Variants in CNTNAP2 observed in about 807,000 individuals in gnomAD.
The protein encoded by CNTNAP2 is contactin-associated protein-like 2.
A neutral mutation model predicts 155.2 loss-of-function variants in CNTNAP2; 98 were observed. The observed-to-expected ratio is 0.63, with a 90% CI of 0.54 to 0.75. The LOEUF (loss-of-function observed/expected upper bound fraction) is 0.75. CNTNAP2 is among the 30% of genes least tolerant of loss of function. The probability of loss-of-function intolerance (pLI) is 0.00; values close to 1 mark genes in which losing one functional copy is unlikely to be tolerated. For missense variants in CNTNAP2, 1,727 were observed against 1,688.1 expected, an observed-to-expected ratio of 1.02 and a Z score of -0.40; for synonymous variants, 651 against 631.2, an observed-to-expected ratio of 1.03 and a Z score of -0.47.
intron 1 of CNTNAP2, among the ~76,000 whole-genome samples, chr7:146,652,245 C>T (rs1305665902): frequency 6.6e-6 from 1 of 152,028 alleles, no homozygotes; most frequent in Non-Finnish European, 1.5e-5. Context: ...TGCCTTCCTA[C>T]TGTAATATAA....
chr7:148,284,585 C>T (rs1393268810), intron 21 of CNTNAP2, among the ~76,000 whole-genome samples: 1 of 150,700 alleles, frequency 6.6e-6, no homozygotes, highest in Admixed American at 6.7e-5. Flanking sequence ...ACTAAGGCTA[C>T]CCAGGTAGAG....
At chr7:147,824,103 C>T (rs1043704215) in intron 13 of CNTNAP2, among the ~76,000 whole-genome samples, 10 of 152,090 alleles carry the variant, frequency 6.6e-5, no homozygotes, top group African/African-American at 2.2e-4. Context: ...TTTAGTGTCT[C>T]GAGATTCTAT....
intron 9 of CNTNAP2, among the ~76,000 whole-genome samples, chr7:147,307,116 T>C (rs889926526): frequency 1.3e-5 from 2 of 152,152 alleles, no homozygotes; most frequent in Non-Finnish European, 2.9e-5. Context: ...ATAGAAATAT[T>C]ACAAAGTGTT....
intron 21 of CNTNAP2, among the ~76,000 whole-genome samples, chr7:148,302,495 A>G (rs1029113093): frequency 3.3e-5 from 5 of 151,948 alleles, no homozygotes; most frequent in African/African-American, 1.2e-4. Flanking sequence ...AATATCCCCT[A>G]TGCCATGTGA....
chr7:147,738,713 G>T (rs1171771836), intron 13 of CNTNAP2, among the ~76,000 whole-genome samples: 3 of 147,576 alleles, frequency 2.0e-5, no homozygotes, highest in African/African-American at 7.5e-5. Flanking sequence ...GGAGTGCAGT[G>T]GTGCAATCTT....
At chr7:147,200,155 G>T (rs73156433) in intron 8 of CNTNAP2, among the ~76,000 whole-genome samples, 2,426 of 149,042 alleles carry the variant, frequency 0.016, 26 homozygotes, top group South Asian at 0.042. Context: ...CTTCTCCCCT[G>T]TTGCTCCAGA....
intron 15 of CNTNAP2, among the ~76,000 whole-genome samples, chr7:148,062,018 AGAGAGAGAGAGTGTGTGTGTGTGT>A (rs1478764377): frequency 7.3e-5 from 10 of 137,120 alleles, no homozygotes; most frequent in African/African-American, 2.8e-4. Context: ...TGATAGAGAG[AGAGAGAGAGAGTGTGTGTGTGTGT>A]GTGTGTGTGT....
At chr7:147,920,355 C>CAAAAAAA (rs35672069) in intron 14 of CNTNAP2, among the ~76,000 whole-genome samples, 3 of 86,868 alleles carry the variant, frequency 3.5e-5, no homozygotes, top group Non-Finnish European at 4.4e-5. Flanking sequence ...GACTCCGTCT[C>CAAAAAAA]AAAAAAAAAA....
At chr7:146,234,252 CATAA>C (rs1303962436) in intron 1 of CNTNAP2, among the ~76,000 whole-genome samples, 2 of 152,194 alleles carry the variant, frequency 1.3e-5, no homozygotes, top group Non-Finnish European at 2.9e-5. Context: ...TTTTTGGCTG[CATAA>C]ATATCTTCTT....
chr7:148,134,062 C>T (rs534643376), intron 16 of CNTNAP2, among the ~76,000 whole-genome samples: 2 of 152,288 alleles, frequency 1.3e-5, no homozygotes, highest in Non-Finnish European at 2.9e-5. Context: ...AGAAATGACC[C>T]ACCGCCTATC....
At chr7:147,335,327 T>G (rs1795646505) in intron 9 of CNTNAP2, among the ~76,000 whole-genome samples, 1 of 152,192 alleles carries the variant, frequency 6.6e-6, no homozygotes, top group Non-Finnish European at 1.5e-5. Flanking sequence ...TTTTTCTCAT[T>G]TTTGCTGCAA....
intron 1 of CNTNAP2, among the ~76,000 whole-genome samples, chr7:146,617,029 G>A (rs1378010580): frequency 6.6e-6 from 1 of 152,022 alleles, no homozygotes; most frequent in Non-Finnish European, 1.5e-5. Context: ...TTGTTTGTTT[G>A]TTTGTTTTGA....
chr7:147,210,687 T>G (rs1324129454), intron 8 of CNTNAP2, among the ~76,000 whole-genome samples: 1 of 151,988 alleles, frequency 6.6e-6, no homozygotes, highest in African/African-American at 2.4e-5. Context: ...TGTTAGATCA[T>G]TAATTTGAGA....
intron 1 of CNTNAP2, among the ~76,000 whole-genome samples, chr7:146,186,865 A>G (rs956362906): frequency 6.6e-6 from 1 of 152,048 alleles, no homozygotes; most frequent in African/African-American, 2.4e-5. Flanking sequence ...ATTTTATGCT[A>G]TTTACATTTT....
intron 10 of CNTNAP2, among the ~76,000 whole-genome samples, chr7:147,472,270 T>C (rs1798238525): frequency 1.4e-5 from 2 of 142,514 alleles, no homozygotes; most frequent in Admixed American, 1.5e-4. Flanking sequence ...TGGAGTGCAG[T>C]GGCATGATCT....
chr7:146,678,659 T>C (rs1371733286), intron 1 of CNTNAP2, among the ~76,000 whole-genome samples: 1 of 152,146 alleles, frequency 6.6e-6, no homozygotes, highest in Non-Finnish European at 1.5e-5. Context: ...TTTATGTGTT[T>C]CAAGAGAAAG....
intron 1 of CNTNAP2, among the ~76,000 whole-genome samples, chr7:146,617,834 G>A (rs761904487): frequency 1.3e-5 from 2 of 151,980 alleles, no homozygotes; most frequent in Admixed American, 6.6e-5. Flanking sequence ...AATGTAAAAC[G>A]GCTTAATAAA....
chr7:147,913,036 A>C (rs1800095487), intron 14 of CNTNAP2, among the ~76,000 whole-genome samples: 1 of 152,224 alleles, frequency 6.6e-6, no homozygotes, highest in Admixed American at 6.5e-5. Flanking sequence ...TGACAATATC[A>C]GTCAAGTTTT....
intron 10 of CNTNAP2, among the ~76,000 whole-genome samples, chr7:147,447,124 G>A (rs1327217360): frequency 2.6e-5 from 4 of 152,116 alleles, no homozygotes; most frequent in Non-Finnish European, 5.9e-5. Flanking sequence ...GACAGATTCA[G>A]CTGTGAACTA....
Sources: gnomAD v4.1 joint callset for allele counts (sites outside exome capture counted in the v4.1 genomes callset) on GRCh38, gnomAD v4.1.1 for gene constraint, MANE v1.5 for transcripts, NCBI Gene and HGNC (gene_info 2026-07-23, HGNC 2026-07-21) for gene names.